The following ERICH6 variants were observed in gnomAD, a reference collection of about 807,000 sequenced individuals.
ERICH6 encodes glutamate rich 6.
ERICH6 carries 71 observed loss-of-function variants against 71.0 expected under a neutral mutation model. The observed-to-expected ratio is 1.00, with a 90% CI of 0.83 to 1.22. The LOEUF is 1.22. Among genes scored for constraint, ERICH6 ranks in the 50% most tolerant of loss-of-function variants. ERICH6 has a pLI of 0.00. For missense variants in ERICH6, 808 were observed against 797.2 expected (o/e 1.01, Z -0.16); for synonymous variants, 262 against 278.4 (o/e 0.94, Z 0.59).
chr3:150,681,668 A>G (rs867690659), intron 7 of ERICH6, among the ~76,000 whole-genome samples: 7 of 152,206 alleles, frequency 4.6e-5, no homozygotes, highest in Non-Finnish European at 8.8e-5. Flanking sequence ...CCTCAGCAGT[A>G]CATGTGGGTT....
In ERICH6 at chr3:150,666,839, G is replaced by C. The variant is rs1360227249; in HGVS notation, c.1676C>G (p.Thr559Ser). ...TGCCTGTTGGCCCATTGCTAGAAAA[G>C]TTATAGAAATCTTGTCTTGTTCTAA... The part of the protein sequence containing the change: ...RILEQDKISI[T>S]FLAMGQQARI... Residue 559 changes from threonine (T) to serine (S), a missense_variant, in exon 13 of 14, where the codon ACT (threonine) becomes AGT (serine). By Grantham distance (58) the Thr-to-Ser change is moderately conservative. Around this residue, in one of 3 missense-constraint regions of ERICH6, gnomAD observed 736 missense variants for 712.2 expected, o/e 1.03. Coordinates refer to ENST00000295910, the MANE Select transcript of ERICH6 (RefSeq NM_152394.5). 1.2e-6 allele frequency: 2 copies of C among 1,614,138 alleles called. No individual in the cohort carries two copies. The highest frequency in any genetic ancestry group is 2.2e-5 in the South Asian group (2 of 91,086).
intron 3 of ERICH6, among the ~76,000 whole-genome samples, chr3:150,698,491 A>G (rs1296679787): frequency 2.0e-5 from 3 of 152,244 alleles, no homozygotes; most frequent in Non-Finnish European, 2.9e-5. Context: ...AAAAATAAAG[A>G]TATGTATCAA....
intron 9 of ERICH6, among the ~76,000 whole-genome samples, chr3:150,679,921 G>C (rs1453019160): frequency 6.6e-6 from 1 of 152,232 alleles, no homozygotes; most frequent in Non-Finnish European, 1.5e-5. Flanking sequence ...GCCTCCCAAA[G>C]TGCTGGGATC....
At chr3:150,661,358 C>T (rs6809409) in intron 13 of ERICH6, among the ~76,000 whole-genome samples, 7,591 of 152,220 alleles carry the variant, frequency 0.05, 312 homozygotes, top group African/African-American at 0.12. Flanking sequence ...AGGCTGGCAG[C>T]GGGCACTAGC....
chr3:150,690,332 T>C lies in ERICH6; in HGVS notation c.554-3978A>G, dbSNP rs2108070420. On this transcript the variant is annotated intron_variant, in intron 3 of 13. Transcript: ENST00000295910. ...TGAGTTGTTTCCTTTAATATGCAAA[T>C]TTAAGTCTATTTAGCTGAAAACTGC... is the stretch of plus-strand genomic sequence containing the variant. Among the ~76,000 whole-genome samples, 2 of 152,282 alleles carry C rather than the reference T, an allele frequency of 1.3e-5. 1 individual carries two copies. Among genetic ancestry groups the C allele is most frequent in the Middle Eastern group, 6.8e-3 (2 of 294 alleles).
intron 3 of ERICH6, among the ~76,000 whole-genome samples, chr3:150,690,786 G>A (rs1005369693): frequency 3.3e-5 from 5 of 152,070 alleles, no homozygotes; most frequent in Non-Finnish European, 7.4e-5. Flanking sequence ...TTTGACATAG[G>A]GGTTACAAAA....
At chr3:150,687,929 G>A (rs1365584361) in intron 3 of ERICH6, among the ~76,000 whole-genome samples, 1 of 152,044 alleles carries the variant, frequency 6.6e-6, no homozygotes, top group Non-Finnish European at 1.5e-5. Flanking sequence ...AACAGCCTGA[G>A]CAAAATACTG....
rs748285149 is a variant in ERICH6, at chr3:150,685,839, G to A, written c.686C>T (p.Thr229Ile). ...YELEFKEDFI[T>I]LFEPSLRTLP... ...CGTTCTTAGAGAAGGCTCGAACAGT[G>A]TTATGAAGTCTTCCTTAAACTAAAT... The change falls in exon 6 of 14, where the codon ACA (threonine) becomes ATA (isoleucine). Residue 229 changes from threonine (T) to isoleucine (I), a missense_variant. Physicochemically the swap from Thr to Ile is moderately conservative, Grantham distance 89. This residue lies in a region of ERICH6 where 736 missense variants were observed against 712.2 expected (regional missense o/e 1.03). Transcript: ENST00000295910. The A allele has an allele frequency of 2.5e-6, 4 of 1,614,016 alleles. No homozygotes were observed. In the South Asian group the frequency reaches 4.4e-5, roughly 18 times the overall value.
Position 150,660,008 on chromosome 3 carries a change from T to C in ERICH6, c.1876A>G (p.Lys626Glu). 1 of 1,614,198 alleles carries C rather than the reference T, an allele frequency of 6.2e-7. No homozygotes were observed. Among genetic ancestry groups the C allele is most frequent in the Non-Finnish European group, 8.5e-7 (1 of 1,180,034 alleles). Residue 626 changes from lysine to glutamate, a missense_variant, in exon 14 of 14, where the codon AAG (lysine) becomes GAG (glutamate). Physicochemically the swap from Lys to Glu is moderately conservative, Grantham distance 56. Coordinates refer to ENST00000295910, the MANE Select transcript of ERICH6 (RefSeq NM_152394.5). ...FPSSQVWEKLKQPSYLSSLSL... is the reference protein window; with the variant it reads ...FPSSQVWEKLEQPSYLSSLSL... ...AGTGAAGAAAGGTAGGAAGGTTGCT[T>C]TAATTTTTCCCAAACCTGGCTTGAG...
intron 10 of ERICH6, 144 bp from the exon 11 acceptor site, chr3:150,674,185 A>G (rs1711565147): frequency 9.7e-6 from 6 of 619,150 alleles, no homozygotes; most frequent in Non-Finnish European, 1.1e-5. Context: ...ACAACAGGAG[A>G]CAACCCTTAG....
In ERICH6 at chr3:150,699,724, A is replaced by AAC. The variant is rs1553755356; in HGVS notation, c.462-843_462-842insGT. On this transcript the variant is annotated intron_variant, in intron 2 of 13. Coordinates refer to ENST00000295910, the MANE Select transcript of ERICH6 (RefSeq NM_152394.5). ...ACAAAGCCCTCAAAGAGATAAAAAC[A>AAC]AAAAAAAAAAACACAAAAAACAAAC... 1.2e-4 allele frequency among the ~76,000 whole-genome samples: 8 copies of AAC among 65,022 alleles called. No homozygotes were observed. In the East Asian group the frequency reaches 4.4e-3, roughly 35 times the overall value. 42.7% of individuals were successfully genotyped at this position (65,022 alleles called of 152,430 possible).
In ERICH6 at chr3:150,703,740, C is replaced by CTCCTCCTCCACCTCT. The variant is rs1713044739; in HGVS notation, c.158_159insAGAGGTGGAGGAGGA (p.Glu51_Val55dup). The CTCCTCCTCCACCTCT allele has an allele frequency of 2.3e-5, 32 of 1,390,642 alleles. No homozygotes were observed. In the East Asian group the frequency reaches 8.6e-4, roughly 37 times the overall value. The allele number at this position is 1,390,642 out of a possible 1,614,324, so 86.1% of individuals were successfully genotyped here. A position where few individuals can be genotyped will look rare whatever the true frequency, so the allele number is the denominator to read the frequency against. On this transcript the variant is annotated inframe_insertion, in exon 1 of 14. Transcript: ENST00000295910. ...CCACCAACTCCTCCTCCACCACCTC[C>CTCCTCCTCCACCTCT]TCCTCCTCCTCCTCCACCTCTTCCT...
rs145408985 is a variant in ERICH6, at chr3:150,659,907, T to C, written c.1977A>G (p.Ile659Met). The change falls in exon 14 of 14, where the codon ATA becomes ATG. Residue 659 changes from isoleucine (I) to methionine (M), a missense_variant. Around this residue, in one of 3 missense-constraint regions of ERICH6, gnomAD observed 736 missense variants for 712.2 expected, o/e 1.03. Transcript: ENST00000295910. ...TCATTCTTAGTTAAATTTCTTCATT[T>C]ATTATATTTCTTATTGTCTTCATTA... ...QDIMKTIRNI[I>M]NEEI 14 of 1,599,004 alleles carry C rather than the reference T, an allele frequency of 8.8e-6. No individual in the cohort carries two copies. The highest frequency in any genetic ancestry group is 1.2e-5 in the Non-Finnish European group (14 of 1,172,144).
intron 6 of ERICH6, among the ~76,000 whole-genome samples, chr3:150,683,989 G>A (rs1013498947): frequency 3.3e-5 from 5 of 152,200 alleles, no homozygotes; most frequent in African/African-American, 1.2e-4. Context: ...CCTTCCCCAT[G>A]GTAAGACCCA....
At chr3:150,702,226 G>A (rs1223658157) in intron 1 of ERICH6, 48 bp from the exon 2 acceptor site, 3 of 1,190,192 alleles carry the variant, frequency 2.5e-6, no homozygotes, top group Non-Finnish European at 3.6e-6. Flanking sequence ...TAAATCAAAA[G>A]GTCAATTCTA....
chr3:150,665,577 TG>T (rs1727382832), intron 13 of ERICH6, among the ~76,000 whole-genome samples: 1 of 147,954 alleles, frequency 6.8e-6, no homozygotes, highest in Non-Finnish European at 1.5e-5. Flanking sequence ...CTGGAATCTC[TG>T]CACTTTCAGA....
intron 1 of ERICH6, among the ~76,000 whole-genome samples, chr3:150,702,433 C>T (rs1712924578): frequency 6.6e-6 from 1 of 152,244 alleles, no homozygotes; most frequent in South Asian, 2.1e-4. Context: ...CACGCCGCCA[C>T]GCCCGGCTAA....
chr3:150,682,553 A>G (rs988051915), intron 6 of ERICH6, among the ~76,000 whole-genome samples: 7 of 152,162 alleles, frequency 4.6e-5, no homozygotes, highest in African/African-American at 1.7e-4. Context: ...GCCTATCAGG[A>G]AGTGTGTGGT....
At position 150,673,480 on chromosome 3, in the gene ERICH6, C is replaced by T. The variant is rs573867420; in HGVS notation, c.1343+476G>A. On this transcript the variant is annotated intron_variant, in intron 11 of 13. Transcript: ENST00000295910. Reference sequence around the variant, plus strand: ...CTGGGATTATAAGCGTAAGCCACCACACTAAGTTCCTTTATAGTTTTGTTT... The same window carrying T: ...CTGGGATTATAAGCGTAAGCCACCATACTAAGTTCCTTTATAGTTTTGTTT... Among the ~76,000 whole-genome samples, 5 of 152,250 alleles carry T rather than the reference C, an allele frequency of 3.3e-5. No individual in the cohort carries two copies. In the East Asian group the frequency reaches 7.7e-4, roughly 24 times the overall value.
Sources: gnomAD v4.1 joint callset for allele counts (sites outside exome capture counted in the v4.1 genomes callset) on GRCh38, gnomAD v4.1.1 for gene constraint, gnomAD v4.1.1 regional missense constraint, MANE v1.5 for transcripts, NCBI Gene and HGNC (gene_info 2026-07-23, HGNC 2026-07-21) for gene names.